MTRES1: variants seen among roughly 807,000 people sequenced by gnomAD.
MTRES1 encodes mitochondrial transcription rescue factor 1.
MTRES1 carries 11 observed loss-of-function variants against 17.4 expected under a neutral mutation model. That is an observed-to-expected ratio of 0.63 (90% CI 0.40 to 1.05). MTRES1 has a LOEUF of 1.05. Ranked by LOEUF, MTRES1 falls within the 50% of genes least tolerant of loss-of-function variation. The pLI is 0.00. For synonymous variants in MTRES1, 94 were observed against 99.6 expected (o/e 0.94, Z 0.34); for missense variants, 268 against 276.2 (o/e 0.97, Z 0.21).
intron 2 of MTRES1, among the ~76,000 whole-genome samples, chr6:107,041,411 A>G (rs1436216699): frequency 6.6e-6 from 1 of 152,244 alleles, no homozygotes; most frequent in African/African-American, 2.4e-5. Context: ...TATTTATGTC[A>G]AACACTTATT....
chr6:107,033,540 C>T (rs9486501), intron 1 of MTRES1, among the ~76,000 whole-genome samples: 4,056 of 152,124 alleles, frequency 0.027, 199 homozygotes, highest in African/African-American at 0.094. Context: ...GAGGCAGGGC[C>T]GGGCACGGTG....
At chr6:107,029,432 A>C (rs113667587) in intron 1 of MTRES1, among the ~76,000 whole-genome samples, 8,386 of 149,454 alleles carry the variant, frequency 0.056, 428 homozygotes, top group African/African-American at 0.14. Flanking sequence ...CCTGATCCGC[A>C]CGCCTAAGCC....
chr6:107,046,532 G>T (rs1309506868), intron 3 of MTRES1, among the ~76,000 whole-genome samples: 1 of 152,128 alleles, frequency 6.6e-6, no homozygotes. Context: ...CTAGAGATTT[G>T]AAATGTAGAT....
chr6:107,048,001 T>C (rs73519759), intron 3 of MTRES1, among the ~76,000 whole-genome samples: 4,138 of 152,280 alleles, frequency 0.027, 216 homozygotes, highest in African/African-American at 0.096. Flanking sequence ...AGTTTGAGGC[T>C]ACAGTACACT....
intron 2 of MTRES1, among the ~76,000 whole-genome samples, 160 bp from the exon 3 acceptor site, chr6:107,044,100 C>T (rs2114964889): frequency 6.6e-6 from 1 of 152,224 alleles, no homozygotes; most frequent in East Asian, 1.9e-4. Flanking sequence ...CCAGCTTGGG[C>T]AACAGAGTGA....
intron 2 of MTRES1, among the ~76,000 whole-genome samples, chr6:107,041,150 G>A (rs563655170): frequency 6.0e-5 from 9 of 151,192 alleles, no homozygotes; most frequent in Middle Eastern, 3.4e-3. Context: ...GTGGGAACCC[G>A]GGAGGCGGAG....
intron 1 of MTRES1, among the ~76,000 whole-genome samples, chr6:107,036,439 A>C (rs1774010767): frequency 6.6e-6 from 1 of 152,162 alleles, no homozygotes; most frequent in African/African-American, 2.4e-5. Context: ...GCTGCTCAGG[A>C]GGCTGAGGCA....
At position 107,051,206 on chromosome 6, in the gene MTRES1, A is replaced by C. The variant is rs781945681; in HGVS notation, c.693A>C (p.Leu231Phe). ...TGGTGTTACGGCGGTGGAAAAGTTT[A>C]AAGTTGCCTAAGAAGAGAATGTCTA... ...YRVVLRRWKSLKLPKKRMSK is the reference protein window; with the variant it reads ...YRVVLRRWKSFKLPKKRMSK Residue 231 changes from leucine to phenylalanine, a missense_variant, in exon 4 of 4, where the codon TTA (leucine) becomes TTC (phenylalanine). Leu to Phe is a conservative substitution (Grantham distance 22). Transcript: ENST00000311381. 7.4e-6 allele frequency: 12 copies of C among 1,613,946 alleles called. No individual in the cohort carries two copies. The South Asian group carries it at 1.2e-4, about 16-fold the overall frequency.
chr6:107,031,237 G>T (rs868926139), intron 1 of MTRES1, among the ~76,000 whole-genome samples: 17 of 151,680 alleles, frequency 1.1e-4, no homozygotes, highest in Admixed American at 9.9e-4. Flanking sequence ...AAAAGTGGCC[G>T]GGTGTGGTGG....
chr6:107,036,245 TAAAG>T (rs1562277626), intron 1 of MTRES1, among the ~76,000 whole-genome samples: 5 of 152,064 alleles, frequency 3.3e-5, no homozygotes, highest in Non-Finnish European at 5.9e-5. Flanking sequence ...TTATTCATCT[TAAAG>T]AAGTTTAATT....
intron 1 of MTRES1, among the ~76,000 whole-genome samples, chr6:107,034,961 T>C (rs1166489082): frequency 2.6e-5 from 4 of 151,364 alleles, no homozygotes; most frequent in African/African-American, 9.7e-5. Context: ...CACTCCAACC[T>C]GGGCAACAAG....
chr6:107,048,259 A>T (rs9400080), intron 3 of MTRES1, among the ~76,000 whole-genome samples: 4 of 151,558 alleles, frequency 2.6e-5, no homozygotes, highest in Non-Finnish European at 5.9e-5. Context: ...TTCAGCCTCC[A>T]GAGTACCTGG....
At chr6:107,040,274 G>A (rs1774158690) in intron 2 of MTRES1, 44 bp downstream of exon 2, 1 of 1,507,470 alleles carries the variant, frequency 6.6e-7, no homozygotes, top group South Asian at 1.4e-5. Context: ...TCGTAGTCAT[G>A]TTATTTTAAT....
intron 1 of MTRES1, among the ~76,000 whole-genome samples, chr6:107,039,481 G>A (rs566734301): frequency 2.2e-4 from 33 of 151,576 alleles, no homozygotes; most frequent in Admixed American, 6.6e-4. Flanking sequence ...CACCACACCC[G>A]GCTAATTTTT....
chr6:107,036,850 A>T lies in MTRES1; in HGVS notation c.-12-2899A>T, dbSNP rs1220104735. ...GGGCGACAGAGTGAGACTCCGTCTC[A>T]AAAAAAAAAAAAAAAAGTGGTTCAA... On this transcript the variant is annotated intron_variant, in intron 1 of 3. Transcript: ENST00000311381. Among the ~76,000 whole-genome samples the T allele has an allele frequency of 4.0e-4, 5 of 12,640 alleles. No individual in the cohort carries two copies. The Admixed American group carries it at 4.7e-3, about 12-fold the overall frequency. 8.3% of individuals were successfully genotyped at this position (12,640 alleles called of 152,430 possible). A position where few individuals can be genotyped will look rare whatever the true frequency, so the allele number is the denominator to read the frequency against.
At chr6:107,031,106 A>G (rs567924181) in intron 1 of MTRES1, among the ~76,000 whole-genome samples, 2 of 152,280 alleles carry the variant, frequency 1.3e-5, no homozygotes, top group East Asian at 3.9e-4. Flanking sequence ...AGGGCCGGGC[A>G]CAGTGGCTCA....
In MTRES1 at chr6:107,051,454, G is replaced by A. The variant is rs1774603072; in HGVS notation, c.*218G>A. ...ATCCATGCTCCTTTGACCTCCTCGT[G>A]TGAGAACCCCTTTGCCAGAGTGAGA... On this transcript the variant is annotated 3_prime_UTR_variant, in exon 4 of 4. Transcript: ENST00000311381. 2.3e-6 allele frequency: 1 copy of A among 436,970 alleles called. No individual in the cohort carries two copies. The highest frequency in any genetic ancestry group is 4.1e-6 in the Non-Finnish European group (1 of 242,140). 27.1% of individuals were successfully genotyped at this position (436,970 alleles called of 1,614,324 possible). A position where few individuals can be genotyped will look rare whatever the true frequency, so the allele number is the denominator to read the frequency against.
At chr6:107,043,905 G>C (rs552280187) in intron 2 of MTRES1, among the ~76,000 whole-genome samples, 1 of 152,334 alleles carries the variant, frequency 6.6e-6, no homozygotes, top group Non-Finnish European at 1.5e-5. Context: ...AAGGCGGGCG[G>C]ATCACGAGGT....
intron 2 of MTRES1, among the ~76,000 whole-genome samples, chr6:107,043,853 A>G (rs1774299341): frequency 1.3e-5 from 2 of 152,146 alleles, no homozygotes; most frequent in South Asian, 2.1e-4. Context: ...TTGAGGCCGG[A>G]CGCGGTGGTT....
Sources: allele counts gnomAD v4.1 joint callset (sites outside exome capture counted in the v4.1 genomes callset), GRCh38; gene constraint gnomAD v4.1.1; transcripts MANE v1.5; gene names NCBI Gene and HGNC (gene_info 2026-07-23, HGNC 2026-07-21).